Variants in NTN5 observed in about 807,000 individuals in gnomAD.
The protein encoded by NTN5 is netrin-5.
NTN5 carries 42 observed loss-of-function variants against 38.7 expected under a neutral mutation model. That is an observed-to-expected ratio of 1.08 (90% CI 0.85 to 1.40). The LOEUF is 1.40. NTN5 is among the 40% of genes most tolerant of loss of function. The probability of loss-of-function intolerance (pLI) is 0.00; values close to 1 mark genes in which losing one functional copy is unlikely to be tolerated. For synonymous variants in NTN5, 329 were observed against 303.9 expected, an observed-to-expected ratio of 1.08 and a Z score of -0.86; for missense variants, 658 against 716.5, an observed-to-expected ratio of 0.92 and a Z score of 0.93.
chr19:48,667,375 TG>T (rs1043934186), intron 2 of NTN5: 12 of 424,974 alleles, frequency 2.8e-5, no homozygotes, highest in East Asian at 8.8e-5. Context: ...CTGCTCAGTC[TG>T]GGGGGATGTG....
At chr19:48,669,975 T>TCACCAC (rs1568452830) in intron 2 of NTN5, among the ~76,000 whole-genome samples, 211 of 8,730 alleles carry the variant, frequency 0.024, 2 homozygotes, top group African/African-American at 0.12. Context: ...ACCACCATCA[T>TCACCAC]CACCATCATC....
intron 2 of NTN5, among the ~76,000 whole-genome samples, chr19:48,670,063 CACCACCATCATCACCATT>C (rs2031913799): frequency 6.7e-6 from 1 of 149,202 alleles, no homozygotes; most frequent in African/African-American, 2.5e-5. Context: ...CCACCACCAT[CACCACCATCATCACCATT>C]ACCACCATCA....
chr19:48,663,224 A>G (rs2031595555), intron 6 of NTN5: 1 of 639,600 alleles, frequency 1.6e-6, no homozygotes, highest in South Asian at 1.5e-5. Flanking sequence ...AGATGATGAA[A>G]CTCTGTAAGC....
In NTN5 at chr19:48,664,646, G is replaced by A. The variant is rs772351756; in HGVS notation, c.753C>T (p.Cys251=). ...TCCAGAACCCAGGTTGGCAGTAGTG[G>A]CAGTGCCGCCCAGCTGTGTGGTGGC... ...RCRHHTAGRH[C]HYCQPGFWRD... Residue 251 remains cysteine (C), a synonymous_variant, in exon 3 of 7, where the codon TGC becomes TGT. Transcript: ENST00000270235. 9 of 1,613,250 alleles carry A rather than the reference G, an allele frequency of 5.6e-6. No homozygotes were observed. Among genetic ancestry groups the A allele is most frequent in the Admixed American group, 1.7e-5 (1 of 59,976 alleles).
At chr19:48,663,739 C>T (rs1568449333) in intron 5 of NTN5, 22 bp downstream of exon 5, 1 of 1,612,652 alleles carries the variant, frequency 6.2e-7, no homozygotes, top group Non-Finnish European at 8.5e-7. Context: ...CACTCAGGGA[C>T]CTCCGTGCCA....
At chr19:48,669,679 CCACCAT>C in intron 2 of NTN5, among the ~76,000 whole-genome samples, 1 of 118,280 alleles carries the variant, frequency 8.5e-6, no homozygotes, top group African/African-American at 3.6e-5. Context: ...ACCATCATCA[CCACCAT>C]CACCACCACC....
At chr19:48,667,344 C>A in intron 2 of NTN5, 1 of 364,464 alleles carries the variant, frequency 2.7e-6, no homozygotes. Context: ...AGTCTCTTAC[C>A]CGGGTTTGGA....
In NTN5 at chr19:48,670,926, C is replaced by T. The variant is rs753500994; in HGVS notation, c.61G>A (p.Asp21Asn). Reference protein sequence around the residue: ...LGQATADPCYDPQGRPQFCLP... With the variant: ...LGQATADPCYNPQGRPQFCLP... ...CAGAATTGGGGGCGGCCCTGTGGATCGTAGCATGGGTCCGCAGTGGCCTGG... is the reference window on the plus strand; with the variant it reads ...CAGAATTGGGGGCGGCCCTGTGGATTGTAGCATGGGTCCGCAGTGGCCTGG... The change falls in exon 2 of 7, where the codon GAT (aspartate) becomes AAT (asparagine). Residue 21 changes from aspartate (D) to asparagine (N), a missense_variant. Physicochemically the swap from Asp to Asn is conservative, Grantham distance 23. Transcript: ENST00000270235. 20 of 1,593,866 alleles carry T rather than the reference C, an allele frequency of 1.3e-5. No homozygotes were observed. In the East Asian group the frequency reaches 2.0e-4, roughly 16 times the overall value.
chr19:48,666,573 C>T (rs1297965040), intron 2 of NTN5, among the ~76,000 whole-genome samples: 2 of 151,608 alleles, frequency 1.3e-5, no homozygotes, highest in Non-Finnish European at 2.9e-5. Context: ...CAACAAAAGC[C>T]AGATTGCAAG....
At position 48,671,012 on chromosome 19, in the gene NTN5, G is replaced by A. The variant is rs890855786; in HGVS notation, c.-20-6C>T. On this transcript the variant is annotated splice_region_variant and splice_polypyrimidine_tract_variant and intron_variant, in intron 1 of 6. Coordinates refer to ENST00000270235, the MANE Select transcript of NTN5 (RefSeq NM_145807.4). ...GGTCACAGCAGAGCCAGCACCTGGA[G>A]GGAAGAGAGGTGGCTGGGCTGGGGA... 1.3e-6 allele frequency: 2 copies of A among 1,488,752 alleles called. No individual in the cohort carries two copies. Among genetic ancestry groups the A allele is most frequent in the Non-Finnish European group, 1.8e-6 (2 of 1,119,344 alleles). 92.2% of individuals were successfully genotyped at this position (1,488,752 alleles called of 1,614,324 possible). A position where few individuals can be genotyped will look rare whatever the true frequency, so the allele number is the denominator to read the frequency against.
rs557632600 is a variant in NTN5 at position 48,661,566 on chromosome 19, G to C, written c.*111C>G. On this transcript the variant is annotated 3_prime_UTR_variant, in exon 7 of 7. Transcript: ENST00000270235. ...GTGGGCGCAAGCATAGTGTCGTCGG[G>C]GCTCTGCGACGTCTGATTGGCTCTC... is the stretch of plus-strand genomic sequence containing the variant. The C allele has an allele frequency of 4.8e-6, 6 of 1,250,562 alleles. No individual in the cohort carries two copies. In the African/African-American group the frequency reaches 7.9e-5, roughly 16 times the overall value. The allele number at this position is 1,250,562 out of a possible 1,614,324, so 77.5% of individuals were successfully genotyped here. A position where few individuals can be genotyped will look rare whatever the true frequency, so the allele number is the denominator to read the frequency against.
chr19:48,664,548 C>A (rs778458958), intron 3 of NTN5, 31 bp downstream of exon 3: 1 of 1,544,746 alleles, frequency 6.5e-7, no homozygotes. Flanking sequence ...TACCTCTGCT[C>A]CCCCCAGGCC....
Position 48,661,991 on chromosome 19 carries a change from G to A in NTN5, c.1156C>T (p.Arg386Trp), listed in dbSNP as rs983333769. 3.4e-6 allele frequency: 5 copies of A among 1,484,862 alleles called. No individual in the cohort carries two copies. The highest frequency in any genetic ancestry group is 2.7e-6 in the Non-Finnish European group (3 of 1,124,810). The allele number at this position is 1,484,862 out of a possible 1,614,324, so 92.0% of individuals were successfully genotyped here. The change falls in exon 7 of 7, where the codon CGG (arginine) becomes TGG (tryptophan). Residue 386 changes from arginine to tryptophan, a missense_variant. By Grantham distance (101) the Arg-to-Trp change is moderately radical (BLOSUM62 -3). Transcript: ENST00000270235. ...ASEAAGPAWQ[R>W]LAVRVLAVYK... ...ACGGCCAGCACGCGCACGGCCAGCC[G>A]CTGCCATGCCGGGCCCGCCGCCTCG...
In NTN5 at chr19:48,664,582, T is replaced by A. The variant is rs772384209; in HGVS notation, c.817A>T (p.Arg273Ter). The change falls in exon 3 of 7, where the codon AGA becomes TGA. Residue 273 changes from arginine (R) to a stop codon, truncating the protein, a stop_gained. Coordinates refer to ENST00000270235, the MANE Select transcript of NTN5 (RefSeq NM_145807.4). LOFTEE classifies it high-confidence loss of function. ...CCTGTCTGCAGGCCACACTCACCTC[T>A]GCAGGCCCTGCGGCTGAAGATAGGC... is the stretch of plus-strand genomic sequence containing the variant. ...SQPIFSRRAC[R>*]ACQCHPIGAT... The A allele has an allele frequency of 1.9e-5, 30 of 1,610,754 alleles. No individual in the cohort carries two copies. Among genetic ancestry groups the A allele is most frequent in the Non-Finnish European group, 2.5e-5 (30 of 1,178,456 alleles).
Position 48,661,694 on chromosome 19 carries a change from GA to G in NTN5, c.1452del (p.Arg486GlyfsTer17). 6.4e-7 allele frequency: 1 copy of G among 1,556,408 alleles called. No homozygotes were observed. Among genetic ancestry groups the G allele is most frequent in the South Asian group, 1.1e-5 (1 of 87,018 alleles). The part of the protein sequence containing the change: ...GCRGVRAPTP[S>X]PRPEH ...TCTCACGTCTAGTGCTCCGGCCTGG[GA>G]CTGGGTGTGGGTGCCCGCACGCCGC... On this transcript the variant is annotated frameshift_variant, in exon 7 of 7. Transcript: ENST00000270235. LOFTEE classifies it low-confidence loss of function (END_TRUNC).
rs1461105850 is a variant in NTN5, at chr19:48,670,357, T to C, written c.630A>G (p.Leu210=). 7.1e-7 allele frequency: 1 copy of C among 1,409,220 alleles called. No individual in the cohort carries two copies. Among genetic ancestry groups the C allele is most frequent in the South Asian group, 1.6e-5 (1 of 62,608 alleles). 87.3% of individuals were successfully genotyped at this position (1,409,220 alleles called of 1,614,324 possible). The change falls in exon 2 of 7, where the codon CTA becomes CTG. Residue 210 remains leucine (L), a splice_region_variant and synonymous_variant. Coordinates refer to ENST00000270235, the MANE Select transcript of NTN5 (RefSeq NM_145807.4). ...PATPRHPHPC[L]PCSCNQHARR... is the part of the protein sequence containing the mutation. ...GAGAGTGAGGGGCGCAGGACTCACG[T>C]AGGCAAGGGTGGGGGTGCCGGGGCG...
In NTN5 at chr19:48,661,861, T is replaced by C; in HGVS notation, c.1286A>G (p.Tyr429Cys). The change falls in exon 7 of 7, where the codon TAC becomes TGC. Residue 429 changes from tyrosine (Y) to cysteine (C), a missense_variant. Coordinates refer to ENST00000270235, the MANE Select transcript of NTN5 (RefSeq NM_145807.4). The stretch of plus-strand genomic sequence containing the variant: ...GCCCACGGCGCTGCCCAGCAGCAGG[T>C]AGTCGGTGCCTGGCTGCAGGCGCAG... ...GCLRLQPGTDYLLLGSAVGDP... is the reference protein window; with the variant it reads ...GCLRLQPGTDCLLLGSAVGDP... The C allele has an allele frequency of 1.5e-6, 2 of 1,342,340 alleles. No homozygotes were observed. Among genetic ancestry groups the C allele is most frequent in the Non-Finnish European group, 9.5e-7 (1 of 1,050,284 alleles). The allele number at this position is 1,342,340 out of a possible 1,614,324, so 83.2% of individuals were successfully genotyped here.
chr19:48,671,056 C>T, intron 1 of NTN5, 50 bp from the exon 2 acceptor site: 1 of 1,389,552 alleles, frequency 7.2e-7, no homozygotes, highest in Non-Finnish European at 9.6e-7. Context: ...GCAGCCTCTA[C>T]CCCTCCTGGA....
Position 48,663,053 on chromosome 19 carries a change from C to T in NTN5, c.1105+410G>A, listed in dbSNP as rs964150989. The T allele has an allele frequency of 2.4e-5, 9 of 374,968 alleles. No individual in the cohort carries two copies. In the East Asian group the frequency reaches 2.9e-4, roughly 12 times the overall value. The allele number at this position is 374,968 out of a possible 1,614,324, so 23.2% of individuals were successfully genotyped here. Reference sequence around the variant, plus strand: ...AGGTGTGGACTGGGGATTAGGGAACCGTGGGACAAGTCTTTATGGGAAGTG... The same window carrying T: ...AGGTGTGGACTGGGGATTAGGGAACTGTGGGACAAGTCTTTATGGGAAGTG... On this transcript the variant is annotated intron_variant, in intron 6 of 6. Coordinates refer to ENST00000270235, the MANE Select transcript of NTN5 (RefSeq NM_145807.4).
Sources: gnomAD v4.1 joint callset for allele counts (sites outside exome capture counted in the v4.1 genomes callset) on GRCh38, gnomAD v4.1.1 for gene constraint, MANE v1.5 for transcripts, NCBI Gene and HGNC (gene_info 2026-07-23, HGNC 2026-07-21) for gene names.